Variants in RBM20 observed in about 807,000 individuals in gnomAD.
RBM20 encodes the protein RNA binding motif protein 20.
A neutral mutation model predicts 110.1 loss-of-function variants in RBM20; 51 were observed. The observed-to-expected ratio is 0.46, with a 90% confidence interval of 0.37 to 0.59. The LOEUF (loss-of-function observed/expected upper bound fraction) is 0.59. Among genes scored for constraint, RBM20 ranks in the 20% least tolerant of loss-of-function variants. The pLI is 0.00. For missense variants in RBM20, 1,512 were observed against 1,574.9 expected, an observed-to-expected ratio of 0.96 and a Z score of 0.68; for synonymous variants, 589 against 618.2, an observed-to-expected ratio of 0.95 and a Z score of 0.70.
chr10:110,804,674 A>T (rs1194331322), intron 7 of RBM20, among the ~76,000 whole-genome samples: 1 of 152,248 alleles, frequency 6.6e-6, no homozygotes, highest in Non-Finnish European at 1.5e-5. Flanking sequence ...ATCTGAAGGA[A>T]CAACAAAAAG....
At chr10:110,768,859 A>G (rs1206565875) in intron 1 of RBM20, among the ~76,000 whole-genome samples, 2 of 152,256 alleles carry the variant, frequency 1.3e-5, no homozygotes, top group Non-Finnish European at 2.9e-5. Context: ...GATTTGCATG[A>G]AAAGGTGCCA....
chr10:110,653,295 A>G (rs907191624), intron 1 of RBM20, among the ~76,000 whole-genome samples: 2 of 152,176 alleles, frequency 1.3e-5, no homozygotes, highest in African/African-American at 4.8e-5. Context: ...TCAACCAAGG[A>G]TATAATTTGG....
intron 1 of RBM20, among the ~76,000 whole-genome samples, chr10:110,685,816 C>T (rs759623437): frequency 6.6e-6 from 1 of 152,042 alleles, no homozygotes; most frequent in Non-Finnish European, 1.5e-5. Context: ...TTTCGGTATG[C>T]TTTGTGAAAC....
intron 1 of RBM20, among the ~76,000 whole-genome samples, chr10:110,691,018 G>C (rs532566789): frequency 2.6e-4 from 40 of 152,212 alleles, no homozygotes; most frequent in Non-Finnish European, 5.0e-4. Flanking sequence ...AACCCCCCAT[G>C]TGATGGTATT....
chr10:110,817,999 G>C (rs1420677393), intron 9 of RBM20, among the ~76,000 whole-genome samples: 1 of 152,132 alleles, frequency 6.6e-6, no homozygotes, highest in Non-Finnish European at 1.5e-5. Flanking sequence ...CAGTGAAGAG[G>C]CTGGACACAG....
intron 1 of RBM20, among the ~76,000 whole-genome samples, chr10:110,776,491 G>A (rs1171666357): frequency 6.6e-6 from 1 of 152,182 alleles, no homozygotes; most frequent in Admixed American, 6.5e-5. Context: ...GTCTTTTCTA[G>A]TTTCTAAGAG....
At chr10:110,646,769 A>G (rs1480121057) in intron 1 of RBM20, among the ~76,000 whole-genome samples, 1 of 152,170 alleles carries the variant, frequency 6.6e-6, no homozygotes, top group Non-Finnish European at 1.5e-5. Context: ...AAACATTTTT[A>G]TGGAGTTATG....
intron 7 of RBM20, among the ~76,000 whole-genome samples, chr10:110,807,516 T>C (rs557600703): frequency 5.9e-5 from 9 of 152,290 alleles, no homozygotes; most frequent in Admixed American, 5.2e-4. Flanking sequence ...GTGCCATCTG[T>C]GATAACCAAC....
At chr10:110,758,400 A>G (rs1843949651) in intron 1 of RBM20, among the ~76,000 whole-genome samples, 1 of 152,194 alleles carries the variant, frequency 6.6e-6, no homozygotes, top group South Asian at 2.1e-4. Context: ...TTTTATAGTG[A>G]TAAAGATAGG....
intron 1 of RBM20, among the ~76,000 whole-genome samples, chr10:110,689,154 C>T (rs1862549562): frequency 6.6e-6 from 1 of 152,222 alleles, no homozygotes; most frequent in Non-Finnish European, 1.5e-5. Context: ...AAAACCATCA[C>T]CTGATATCAT....
chr10:110,738,078 C>T (rs972774283), intron 1 of RBM20, among the ~76,000 whole-genome samples: 2 of 152,116 alleles, frequency 1.3e-5, no homozygotes, highest in Non-Finnish European at 2.9e-5. Context: ...GTGGTTTCTG[C>T]TTTTGTGCCA....
intron 1 of RBM20, among the ~76,000 whole-genome samples, chr10:110,701,508 G>A (rs563415086): frequency 6.6e-6 from 1 of 152,322 alleles, no homozygotes; most frequent in Non-Finnish European, 1.5e-5. Context: ...AAGTTACAGT[G>A]CCTTGCTGGT....
intron 1 of RBM20, among the ~76,000 whole-genome samples, chr10:110,780,193 A>G (rs1844318964): frequency 6.6e-6 from 1 of 152,226 alleles, no homozygotes. Context: ...TTGAACACCA[A>G]TAGTAATGGT....
rs1590707360 is a variant in RBM20, at chr10:110,831,381, A to C, written c.3573+199A>C. On this transcript the variant is annotated intron_variant, in intron 13 of 13. Coordinates refer to ENST00000369519, the MANE Select transcript of RBM20 (RefSeq NM_001134363.3). ...TTCTGTGTCTGTCTCCTTCCACTAC[A>C]TGGAAAACCCCTAATCTTCCCATAG... 3 of 510,468 alleles carry C rather than the reference A, an allele frequency of 5.9e-6. No individual in the cohort carries two copies. The East Asian group carries it at 9.5e-5, about 16-fold the overall frequency. The allele number at this position is 510,468 out of a possible 1,614,324, so 31.6% of individuals were successfully genotyped here. A position where few individuals can be genotyped will look rare whatever the true frequency, so the allele number is the denominator to read the frequency against.
chr10:110,692,996 CT>C, intron 1 of RBM20, among the ~76,000 whole-genome samples: 1 of 152,112 alleles, frequency 6.6e-6, no homozygotes, highest in Non-Finnish European at 1.5e-5. Flanking sequence ...TTGTCAAATG[CT>C]TTTTTGACAT....
rs542493861 is a variant in RBM20 at position 110,801,449 on chromosome 10, A to G, written c.1800+1531A>G. On this transcript the variant is annotated intron_variant, in intron 7 of 13. Transcript: ENST00000369519. ...TCTCAAAAAAAAAAAAAAAGTTTTC[A>G]ATGGTCCACATTCTTGCTAACACAT... Among the ~76,000 whole-genome samples the G allele has an allele frequency of 3.5e-4, 53 of 152,094 alleles. 1 individual carries two copies. In the South Asian group the frequency reaches 9.8e-3, roughly 28 times the overall value.
chr10:110,741,365 A>G (rs184470941), intron 1 of RBM20, among the ~76,000 whole-genome samples: 1 of 152,204 alleles, frequency 6.6e-6, no homozygotes, highest in Admixed American at 6.5e-5. Context: ...TGAGCTCCAG[A>G]TGTCAGTATT....
chr10:110,649,841 A>G (rs1038910976), intron 1 of RBM20, among the ~76,000 whole-genome samples: 2 of 152,162 alleles, frequency 1.3e-5, no homozygotes, highest in African/African-American at 4.8e-5. Flanking sequence ...TGTTTAAAGA[A>G]CCTGGCTGGA....
In RBM20 at chr10:110,812,897, G is replaced by C; in HGVS notation, c.2500G>C (p.Asp834His). The change falls in exon 9 of 14, where the codon GAC becomes CAC. Residue 834 changes from aspartate (D) to histidine (H), a missense_variant. Around this residue, in one of 3 missense-constraint regions of RBM20, gnomAD observed 1,149 missense variants for 1,169.4 expected, o/e 0.98. Coordinates refer to ENST00000369519, the MANE Select transcript of RBM20 (RefSeq NM_001134363.3). ...AAATAAAACCAAGAGAACTGATAGA[G>C]ACCAAGAAGGAGCTGATGATAGAAA... is the stretch of plus-strand genomic sequence containing the variant. ...EKNKTKRTDR[D>H]QEGADDRKEN... The C allele has an allele frequency of 6.9e-7, 1 of 1,459,622 alleles. No individual in the cohort carries two copies. Among genetic ancestry groups the C allele is most frequent in the Non-Finnish European group, 9.0e-7 (1 of 1,105,488 alleles). The allele number at this position is 1,459,622 out of a possible 1,614,324, so 90.4% of individuals were successfully genotyped here. A position where few individuals can be genotyped will look rare whatever the true frequency, so the allele number is the denominator to read the frequency against.
Sources: allele counts gnomAD v4.1 joint callset (sites outside exome capture counted in the v4.1 genomes callset), GRCh38; gene constraint gnomAD v4.1.1; regional missense constraint gnomAD v4.1.1; transcripts MANE v1.5; gene names NCBI Gene and HGNC (gene_info 2026-07-23, HGNC 2026-07-21).